KLHL1: variants seen among roughly 807,000 people sequenced by gnomAD.
The protein encoded by KLHL1 is kelch like family member 1, also known as kelch-like protein 1.
Under a neutral mutation model 77.7 loss-of-function variants are expected in KLHL1, and 47 were observed. The ratio of observed to expected loss-of-function variants is 0.60; its 90% CI spans 0.48 to 0.77. The LOEUF is 0.77. Ranked by LOEUF, KLHL1 falls within the 30% of genes least tolerant of loss-of-function variation. The pLI, the probability that KLHL1 is intolerant of heterozygous loss-of-function variation, is 0.00. For missense variants in KLHL1, 925 were observed against 910.8 expected, an observed-to-expected ratio of 1.02 and a Z score of -0.20; for synonymous variants, 360 against 325.2, an observed-to-expected ratio of 1.11 and a Z score of -1.15.
At chr13:69,773,871 A>G (rs1410409974) in intron 7 of KLHL1, among the ~76,000 whole-genome samples, 1 of 151,200 alleles carries the variant, frequency 6.6e-6, no homozygotes, top group Non-Finnish European at 1.5e-5. Context: ...GGCTATATAT[A>G]TATATATATA....
intron 6 of KLHL1, among the ~76,000 whole-genome samples, chr13:69,797,404 C>T (rs1057395881): frequency 9.9e-5 from 15 of 152,058 alleles, no homozygotes; most frequent in African/African-American, 3.6e-4. Context: ...AAAATATTAC[C>T]ATGTTTTTCT....
intron 9 of KLHL1, among the ~76,000 whole-genome samples, chr13:69,712,506 GTT>G (rs1875923803): frequency 6.6e-6 from 1 of 151,812 alleles, no homozygotes; most frequent in Admixed American, 6.6e-5. Flanking sequence ...GTGTGATTTT[GTT>G]TCTGAACACA....
intron 7 of KLHL1, among the ~76,000 whole-genome samples, chr13:69,792,321 G>A (rs1180899018): frequency 6.6e-6 from 1 of 152,018 alleles, no homozygotes; most frequent in Admixed American, 6.6e-5. Context: ...AAAATAATTA[G>A]AAATGAGAAA....
chr13:69,869,468 C>T (rs946902105), intron 5 of KLHL1, among the ~76,000 whole-genome samples: 2 of 151,982 alleles, frequency 1.3e-5, no homozygotes, highest in Non-Finnish European at 2.9e-5. Flanking sequence ...TATTTATGAC[C>T]ACATTCTAAA....
intron 6 of KLHL1, among the ~76,000 whole-genome samples, chr13:69,826,017 C>A (rs1878530875): frequency 6.6e-6 from 1 of 152,028 alleles, no homozygotes; most frequent in Non-Finnish European, 1.5e-5. Context: ...TATTTTGTGT[C>A]TAAAAGTTGC....
intron 7 of KLHL1, among the ~76,000 whole-genome samples, chr13:69,756,552 A>C (rs1874750982): frequency 6.6e-6 from 1 of 152,190 alleles, no homozygotes; most frequent in Admixed American, 6.5e-5. Context: ...CAAAGTAATA[A>C]TCACTAAATT....
At chr13:70,033,959 G>T (rs190992067) in intron 1 of KLHL1, among the ~76,000 whole-genome samples, 1 of 151,984 alleles carries the variant, frequency 6.6e-6, no homozygotes, top group Admixed American at 6.5e-5. Context: ...GCCCTAATAC[G>T]GACGAAATAT....
intron 1 of KLHL1, among the ~76,000 whole-genome samples, chr13:70,068,289 C>A (rs1593717310): frequency 6.6e-6 from 1 of 151,698 alleles, no homozygotes; most frequent in Non-Finnish European, 1.5e-5. Flanking sequence ...TGCAGTGAGC[C>A]GAGATCGCGC....
At position 69,764,929 on chromosome 13, in the gene KLHL1, C is replaced by CTT. The variant is rs71196263; in HGVS notation, c.1640-24375_1640-24374dup. Among the ~76,000 whole-genome samples, 21 of 39,726 alleles carry CTT rather than the reference C, an allele frequency of 5.3e-4. 8 individuals carry two copies. Among genetic ancestry groups the CTT allele is most frequent in the Admixed American group, 9.2e-4 (2 of 2,174 alleles). 26.1% of individuals were successfully genotyped at this position (39,726 alleles called of 152,430 possible). On this transcript the variant is annotated intron_variant, in intron 7 of 10. Transcript: ENST00000377844. ...TCTCATGCTTTCATGTATATCTTTGCTTTTTTTTTTTTTTTTTTTTTTTTT... is the reference window on the plus strand; with the variant it reads ...TCTCATGCTTTCATGTATATCTTTGCTTTTTTTTTTTTTTTTTTTTTTTTTTT...
chr13:70,014,740 A>T (rs1195031274), intron 1 of KLHL1, among the ~76,000 whole-genome samples: 1 of 152,144 alleles, frequency 6.6e-6, no homozygotes, highest in African/African-American at 2.4e-5. Flanking sequence ...AGATAATGTT[A>T]GTGGCTTATA....
intron 1 of KLHL1, among the ~76,000 whole-genome samples, chr13:70,061,958 T>C (rs1026885808): frequency 1.3e-5 from 2 of 152,126 alleles, no homozygotes; most frequent in African/African-American, 4.8e-5. Context: ...ACATTCAAGA[T>C]CTTCTCTTCT....
chr13:69,707,863 A>T, intron 9 of KLHL1, 67 bp from the exon 10 acceptor site: 1 of 1,362,812 alleles, frequency 7.3e-7, no homozygotes, highest in Non-Finnish European at 9.8e-7. Flanking sequence ...TAAAAATTTT[A>T]CTTTTTACAA....
chr13:70,029,633 C>T (rs1240546660), intron 1 of KLHL1, among the ~76,000 whole-genome samples: 4 of 152,148 alleles, frequency 2.6e-5, no homozygotes, highest in Non-Finnish European at 5.9e-5. Context: ...CAACTGGTAC[C>T]AGCCACTGCA....
In KLHL1 at chr13:70,065,542, G is replaced by A. The variant is rs1227044525; in HGVS notation, c.497+41661C>T. The stretch of plus-strand genomic sequence containing the variant: ...GACAAGAAAACAGCCATTCTTTCAT[G>A]TAACTTCATCTTTTATTAACACTGG... On this transcript the variant is annotated intron_variant, in intron 1 of 10. Transcript: ENST00000377844. Among the ~76,000 whole-genome samples the A allele has an allele frequency of 3.3e-5, 5 of 152,208 alleles. No homozygotes were observed. In the East Asian group the frequency reaches 9.6e-4, roughly 29 times the overall value.
At chr13:69,987,132 A>G (rs868412043) in intron 1 of KLHL1, among the ~76,000 whole-genome samples, 16 of 152,126 alleles carry the variant, frequency 1.1e-4, no homozygotes, top group African/African-American at 3.6e-4. Flanking sequence ...TTTGCCAGAA[A>G]TGAAACACAT....
At chr13:69,757,705 A>G (rs1481636449) in intron 7 of KLHL1, among the ~76,000 whole-genome samples, 2 of 152,126 alleles carry the variant, frequency 1.3e-5, no homozygotes, top group East Asian at 3.9e-4. Flanking sequence ...TAATCCCAGC[A>G]CTTTGGGAGG....
chr13:70,098,551 T>C (rs1887846777), intron 1 of KLHL1, among the ~76,000 whole-genome samples: 1 of 151,812 alleles, frequency 6.6e-6, no homozygotes, highest in South Asian at 2.1e-4. Context: ...ATTTGAAAAG[T>C]TGAGGATTAA....
chr13:69,979,494 T>A (rs1430556759), intron 1 of KLHL1, among the ~76,000 whole-genome samples: 2 of 152,146 alleles, frequency 1.3e-5, no homozygotes, highest in Non-Finnish European at 2.9e-5. Flanking sequence ...ATATCCAAAC[T>A]ACTAATTTAA....
chr13:69,789,837 G>C (rs939557460), intron 7 of KLHL1, among the ~76,000 whole-genome samples: 2 of 151,986 alleles, frequency 1.3e-5, no homozygotes, highest in African/African-American at 2.4e-5. Flanking sequence ...GAAAGATTTT[G>C]TTTTGTATTT....
Sources: allele counts gnomAD v4.1 joint callset (sites outside exome capture counted in the v4.1 genomes callset), GRCh38; gene constraint gnomAD v4.1.1; transcripts MANE v1.5; gene names NCBI Gene and HGNC (gene_info 2026-07-23, HGNC 2026-07-21).